LINGO2: variants seen among roughly 807,000 people sequenced by gnomAD.
The protein encoded by LINGO2 is leucine-rich repeat and immunoglobulin-like domain-containing nogo receptor-interacting protein 2.
LINGO2 carries 14 observed loss-of-function variants against 30.6 expected under a neutral mutation model. That is an observed-to-expected ratio of 0.46 (90% CI 0.30 to 0.72). LINGO2 has a LOEUF of 0.72. Ranked by LOEUF, LINGO2 falls within the 30% of genes least tolerant of loss-of-function variation. The probability of loss-of-function intolerance (pLI) is 0.07; values close to 1 mark genes in which losing one functional copy is unlikely to be tolerated. For synonymous variants in LINGO2, 317 were observed against 288.5 expected (o/e 1.10, Z -1.00); for missense variants, 729 against 751.7 (o/e 0.97, Z 0.35).
intron 1 of LINGO2, among the ~76,000 whole-genome samples, chr9:28,587,842 T>G (rs1221324437): frequency 1.3e-5 from 2 of 151,892 alleles, no homozygotes; most frequent in African/African-American, 4.8e-5. Context: ...CCCTAACAGA[T>G]TCTAGCTCTG....
chr9:29,194,925 T>C, the LINGO2 span, among the ~76,000 whole-genome samples: 25 of 152,196 alleles, frequency 1.6e-4, no homozygotes, highest in African/African-American at 5.8e-4. Context: ...CTATACACCT[T>C]TATATCATGA....
chr9:29,202,118 A>G, the LINGO2 span, among the ~76,000 whole-genome samples: 1 of 152,030 alleles, frequency 6.6e-6, no homozygotes, highest in African/African-American at 2.4e-5. Flanking sequence ...GGTAATAAAT[A>G]AGATATAATT....
intron 4 of LINGO2, among the ~76,000 whole-genome samples, chr9:28,183,391 C>T (rs865886370): frequency 2.0e-5 from 3 of 151,978 alleles, no homozygotes; most frequent in Admixed American, 1.3e-4. Flanking sequence ...ATGTAACATA[C>T]CTGCACATTA....
chr9:28,194,161 G>T (rs1819925323), intron 4 of LINGO2, among the ~76,000 whole-genome samples: 1 of 152,132 alleles, frequency 6.6e-6, no homozygotes, highest in South Asian at 2.1e-4. Context: ...GAGAGATACT[G>T]TCGTGGCCAT....
rs1360170201 is a variant in LINGO2 at position 28,083,635 on chromosome 9, C to G, written c.-86-71230G>C. Among the ~76,000 whole-genome samples, 3 of 152,068 alleles carry G rather than the reference C, an allele frequency of 2.0e-5. No individual in the cohort carries two copies. The South Asian group carries it at 6.2e-4, about 32-fold the overall frequency. Reference sequence around the variant, plus strand: ...CAATAAAATACCACATGTGAAATGCCAAGCATAATGCCTGGTACAGAGTAA... The same window carrying G: ...CAATAAAATACCACATGTGAAATGCGAAGCATAATGCCTGGTACAGAGTAA... On this transcript the variant is annotated intron_variant, in intron 4 of 5. Coordinates refer to ENST00000379992, the Ensembl canonical transcript of LINGO2.
the LINGO2 span, among the ~76,000 whole-genome samples, chr9:29,127,106 G>A: frequency 6.6e-6 from 1 of 152,024 alleles, no homozygotes; most frequent in African/African-American, 2.4e-5. Flanking sequence ...CATTTACATA[G>A]GGTATAACCA....
intron 1 of LINGO2, among the ~76,000 whole-genome samples, chr9:28,639,400 G>T (rs1015620750): frequency 5.3e-5 from 8 of 152,198 alleles, no homozygotes; most frequent in African/African-American, 1.7e-4. Flanking sequence ...TCATTGATCT[G>T]TCTAATGTTG....
At chr9:28,430,746 A>C (rs1014352940) in intron 2 of LINGO2, among the ~76,000 whole-genome samples, 1 of 152,084 alleles carries the variant, frequency 6.6e-6, no homozygotes, top group African/African-American at 2.4e-5. Flanking sequence ...ACAAATGCTT[A>C]CTTTTTTACA....
At chr9:28,258,775 T>C (rs879917640) in intron 4 of LINGO2, among the ~76,000 whole-genome samples, 1 of 151,920 alleles carries the variant, frequency 6.6e-6, no homozygotes, top group African/African-American at 2.4e-5. Flanking sequence ...CTGTGAGTTC[T>C]ATGGCTTGCC....
chr9:28,756,530 G>A, the LINGO2 span, among the ~76,000 whole-genome samples: 1 of 151,806 alleles, frequency 6.6e-6, no homozygotes, highest in East Asian at 1.9e-4. Flanking sequence ...ATGATATTGG[G>A]GAGAGAAATG....
At chr9:28,938,734 G>C in the LINGO2 span, among the ~76,000 whole-genome samples, 1 of 152,176 alleles carries the variant, frequency 6.6e-6, no homozygotes, top group South Asian at 2.1e-4. Flanking sequence ...ATGTAGGTTT[G>C]TGTAAATCTA....
chr9:28,714,971 T>C, the LINGO2 span, among the ~76,000 whole-genome samples: 1 of 152,204 alleles, frequency 6.6e-6, no homozygotes, highest in Non-Finnish European at 1.5e-5. Flanking sequence ...CTAATAATTT[T>C]GTTTAGTTTA....
chr9:28,971,448 C>T, the LINGO2 span, among the ~76,000 whole-genome samples: 1 of 152,182 alleles, frequency 6.6e-6, no homozygotes, highest in East Asian at 1.9e-4. Context: ...TAGCATTAAG[C>T]ACAAGCTTAC....
At chr9:28,498,704 G>GT in intron 1 of LINGO2, among the ~76,000 whole-genome samples, 1 of 152,076 alleles carries the variant, frequency 6.6e-6, no homozygotes, top group South Asian at 2.1e-4. Flanking sequence ...GATGAACCTG[G>GT]TACCTCAGTT....
chr9:28,314,229 C>T (rs754641796), intron 3 of LINGO2, among the ~76,000 whole-genome samples: 7 of 152,182 alleles, frequency 4.6e-5, no homozygotes, highest in South Asian at 4.1e-4. Flanking sequence ...CCACCGCGCC[C>T]GGCCGAGAAT....
At chr9:28,251,629 T>G (rs1822204034) in intron 4 of LINGO2, among the ~76,000 whole-genome samples, 1 of 152,192 alleles carries the variant, frequency 6.6e-6, no homozygotes. Context: ...ATTTAGTGCT[T>G]ATTCAAAAAT....
the LINGO2 span, among the ~76,000 whole-genome samples, chr9:29,030,447 T>C: frequency 6.6e-6 from 1 of 152,168 alleles, no homozygotes; most frequent in African/African-American, 2.4e-5. Flanking sequence ...ATATTTCGGT[T>C]CCATGATTCT....
chr9:28,651,361 A>G (rs1299666661), intron 1 of LINGO2, among the ~76,000 whole-genome samples: 1 of 152,094 alleles, frequency 6.6e-6, no homozygotes, highest in Non-Finnish European at 1.5e-5. Flanking sequence ...TTAGAAATTA[A>G]TTTGGCCAGA....
chr9:29,160,856 G>A, the LINGO2 span, among the ~76,000 whole-genome samples: 12 of 152,332 alleles, frequency 7.9e-5, no homozygotes, highest in Non-Finnish European at 1.5e-5. Context: ...GTGAGTTTAA[G>A]GTGCCAGGCG....
Sources: gnomAD v4.1 joint callset for allele counts (sites outside exome capture counted in the v4.1 genomes callset) on GRCh38, gnomAD v4.1.1 for gene constraint, MANE v1.5 for transcripts, NCBI Gene and HGNC (gene_info 2026-07-23, HGNC 2026-07-21) for gene names.